DMXL2: variants seen among roughly 807,000 people sequenced by gnomAD.
DMXL2 encodes dmX-like protein 2.
A neutral mutation model predicts 331.1 loss-of-function variants in DMXL2; 103 were observed. The ratio of observed to expected loss-of-function variants is 0.31; its 90% CI spans 0.27 to 0.37. The LOEUF is 0.37. DMXL2 is among the 10% of genes least tolerant of loss of function. The probability of loss-of-function intolerance (pLI) is 1.00; values close to 1 mark genes in which losing one functional copy is unlikely to be tolerated. For missense variants in DMXL2, 3,171 were observed against 3,642.9 expected (o/e 0.87, Z 3.33); for synonymous variants, 1,281 against 1,252.1 (o/e 1.02, Z -0.49).
chr15:51,547,112 G>T, intron 7 of DMXL2, 118 bp downstream of exon 7: 2 of 857,212 alleles, frequency 2.3e-6, no homozygotes, highest in Non-Finnish European at 3.4e-6. Context: ...ATTTCAGGCA[G>T]CTTGATGCCA....
At chr15:51,537,025 T>C (rs1222652751) in intron 11 of DMXL2, among the ~76,000 whole-genome samples, 163 bp from the exon 12 acceptor site, 2 of 152,180 alleles carry the variant, frequency 1.3e-5, no homozygotes, top group South Asian at 2.1e-4. Context: ...ACCATATCTC[T>C]ATTCATGGCC....
chr15:51,605,441 T>C (rs2053512241), intron 1 of DMXL2, among the ~76,000 whole-genome samples: 2 of 151,498 alleles, frequency 1.3e-5, no homozygotes, highest in South Asian at 4.2e-4. Flanking sequence ...CTTCAAGTGA[T>C]CTGCCTGCTT....
intron 10 of DMXL2, 104 bp downstream of exon 10, chr15:51,538,109 A>G (rs1184786354): frequency 5.8e-6 from 8 of 1,391,128 alleles, no homozygotes; most frequent in Non-Finnish European, 7.8e-6. Context: ...CAAATAGAAA[A>G]GTAAAAAGGA....
At chr15:51,454,740 C>A (rs2039470632) in intron 40 of DMXL2, among the ~76,000 whole-genome samples, 1 of 152,072 alleles carries the variant, frequency 6.6e-6, no homozygotes, top group Admixed American at 6.5e-5. Context: ...TGTGATCTGC[C>A]CGCCTCGGCC....
chr15:51,510,638 A>G (rs1219525896), intron 15 of DMXL2, among the ~76,000 whole-genome samples: 2 of 152,222 alleles, frequency 1.3e-5, no homozygotes, highest in Non-Finnish European at 2.9e-5. Context: ...TATAGATTCA[A>G]TGCTATCCCC....
chr15:51,582,174 T>A (rs2051474423), intron 1 of DMXL2, among the ~76,000 whole-genome samples: 1 of 152,170 alleles, frequency 6.6e-6, no homozygotes, highest in Non-Finnish European at 1.5e-5. Flanking sequence ...AATCTTTCTT[T>A]CAAGACTGCC....
chr15:51,451,498 TTTTTAGTCATTCA>T, intron 42 of DMXL2, 134 bp downstream of exon 42: 1 of 645,274 alleles, frequency 1.5e-6, no homozygotes, highest in Non-Finnish European at 2.6e-6. Flanking sequence ...ACTTTCCAAA[TTTTTAGTCATTCA>T]TTCTAAATAT....
At chr15:51,606,325 A>G (rs1364239142) in intron 1 of DMXL2, among the ~76,000 whole-genome samples, 1 of 152,114 alleles carries the variant, frequency 6.6e-6, no homozygotes, top group Non-Finnish European at 1.5e-5. Context: ...CTTCTGCCTC[A>G]GCCTCCCGAG....
chr15:51,585,298 G>A (rs565915386), intron 1 of DMXL2, among the ~76,000 whole-genome samples: 4 of 140,666 alleles, frequency 2.8e-5, no homozygotes, highest in Admixed American at 2.2e-4. Flanking sequence ...TTTGAAATAC[G>A]TCCCATCAAT....
intron 13 of DMXL2, among the ~76,000 whole-genome samples, chr15:51,531,276 T>C (rs897675839): frequency 1.4e-4 from 22 of 152,018 alleles, no homozygotes; most frequent in African/African-American, 4.4e-4. Context: ...GAATATACAA[T>C]GGAGAAAAGA....
intron 6 of DMXL2, among the ~76,000 whole-genome samples, chr15:51,550,440 C>T (rs1567105254): frequency 6.6e-6 from 1 of 152,056 alleles, no homozygotes; most frequent in Admixed American, 6.6e-5. Flanking sequence ...ACGAATATAA[C>T]ATGATAATTA....
Position 51,464,681 on chromosome 15 carries a change from G to A in DMXL2, c.7802C>T (p.Pro2601Leu), listed in dbSNP as rs2040422083. The A allele has an allele frequency of 6.2e-7, 1 of 1,613,234 alleles. No individual in the cohort carries two copies. The highest frequency in any genetic ancestry group is 1.3e-5 in the African/African-American group (1 of 74,918). ...ATTATAAGAGCTTTCTTACTTGAAT[G>A]GGGTATTTTCAGGTTCTAGCATTGC... ...NKAMLEPENT[P>L]FKSRDSSAFP... The change falls in exon 32 of 44, where the codon CCA (proline) becomes CTA (leucine). Residue 2601 changes from proline (P) to leucine (L), a missense_variant. Pro to Leu is a moderately conservative substitution (Grantham distance 98). This residue lies in a region of DMXL2 where 766 missense variants were observed against 940.5 expected (regional missense o/e 0.81). Transcript: ENST00000560891.
chr15:51,497,638 C>A (rs2043275727), intron 18 of DMXL2, among the ~76,000 whole-genome samples: 1 of 152,166 alleles, frequency 6.6e-6, no homozygotes, highest in Non-Finnish European at 1.5e-5. Flanking sequence ...ACAATCAACA[C>A]CATTACCCTG....
At chr15:51,534,399 AATATT>A (rs2048170487) in intron 13 of DMXL2, among the ~76,000 whole-genome samples, 1 of 152,210 alleles carries the variant, frequency 6.6e-6, no homozygotes, top group Non-Finnish European at 1.5e-5. Flanking sequence ...ATACGCAAGA[AATATT>A]AGATTTATTC....
intron 15 of DMXL2, among the ~76,000 whole-genome samples, chr15:51,509,829 C>A (rs879376669): frequency 2.0e-5 from 3 of 152,164 alleles, no homozygotes; most frequent in Non-Finnish European, 2.9e-5. Flanking sequence ...CAAACCGAAT[C>A]CAGCAGCACA....
chr15:51,525,692 C>T (rs150712656), intron 13 of DMXL2, among the ~76,000 whole-genome samples: 158 of 152,168 alleles, frequency 1.0e-3, no homozygotes, highest in African/African-American at 3.7e-3. Flanking sequence ...CTGGTGGCCA[C>T]AGGGTGAAGC....
At chr15:51,585,340 G>C (rs1486329902) in intron 1 of DMXL2, among the ~76,000 whole-genome samples, 8 of 149,174 alleles carry the variant, frequency 5.4e-5, no homozygotes, top group Middle Eastern at 3.4e-3. Flanking sequence ...TAGCATGAAG[G>C]GTTGTTGAAT....
At chr15:51,529,460 T>C (rs540428244) in intron 13 of DMXL2, among the ~76,000 whole-genome samples, 2 of 152,106 alleles carry the variant, frequency 1.3e-5, no homozygotes, top group East Asian at 3.9e-4. Context: ...GGATCAACAG[T>C]GGCTACTATG....
At position 51,480,050 on chromosome 15, in the gene DMXL2, G is replaced by A. The variant is rs768651804; in HGVS notation, c.6654C>T (p.Val2218=). Reference sequence around the variant, plus strand: ...TTAAGTACAATACAGGATTAGCTATGACTGTTTTTGTTGACGCAATACTTG... The same window carrying A: ...TTAAGTACAATACAGGATTAGCTATAACTGTTTTTGTTGACGCAATACTTG... ...LSASIASTKT[V]IANPVLYLNN... is the part of the protein sequence containing the mutation. The change falls in exon 25 of 44, where the codon GTC becomes GTT. Residue 2218 remains valine (V), a synonymous_variant. Transcript: ENST00000560891. The A allele has an allele frequency of 3.7e-6, 6 of 1,603,468 alleles. No individual in the cohort carries two copies. The South Asian group carries it at 4.4e-5, about 12-fold the overall frequency.
Sources: allele counts gnomAD v4.1 joint callset (sites outside exome capture counted in the v4.1 genomes callset), GRCh38; gene constraint gnomAD v4.1.1; regional missense constraint gnomAD v4.1.1; transcripts MANE v1.5; gene names NCBI Gene and HGNC (gene_info 2026-07-23, HGNC 2026-07-21).